The following PPP3CC variants were observed in gnomAD, a reference collection of about 807,000 sequenced individuals.
The protein encoded by PPP3CC is serine/threonine-protein phosphatase 2B catalytic subunit gamma isoform.
PPP3CC carries 35 observed loss-of-function variants against 60.3 expected under a neutral mutation model. The ratio of observed to expected loss-of-function variants is 0.58; its 90% CI spans 0.44 to 0.77. PPP3CC has a LOEUF of 0.77. PPP3CC is among the 30% of genes least tolerant of loss of function. PPP3CC has a pLI of 0.00. For missense variants in PPP3CC, 570 were observed against 628.9 expected, an observed-to-expected ratio of 0.91 and a Z score of 1.00; for synonymous variants, 206 against 224.3, an observed-to-expected ratio of 0.92 and a Z score of 0.73.
chr8:22,462,717 C>T (rs1248137924), intron 1 of PPP3CC, among the ~76,000 whole-genome samples: 1 of 152,038 alleles, frequency 6.6e-6, no homozygotes, highest in Non-Finnish European at 1.5e-5. Context: ...ACTACAGGCA[C>T]CCGCCACCAT....
At chr8:22,447,274 G>A (rs953621299) in intron 1 of PPP3CC, among the ~76,000 whole-genome samples, 1 of 151,018 alleles carries the variant, frequency 6.6e-6, no homozygotes, top group Non-Finnish European at 1.5e-5. Context: ...CTGCCTCCCG[G>A]GTTCATGCCA....
At chr8:22,505,024 ATTTT>A (rs34116717) in intron 4 of PPP3CC, among the ~76,000 whole-genome samples, 1 of 115,974 alleles carries the variant, frequency 8.6e-6, no homozygotes, top group Non-Finnish European at 1.7e-5. Flanking sequence ...CCACGAACCT[ATTTT>A]TTTTTTTTTT....
chr8:22,496,772 C>T (rs1210209282), intron 3 of PPP3CC, among the ~76,000 whole-genome samples: 1 of 151,990 alleles, frequency 6.6e-6, no homozygotes, highest in African/African-American at 2.4e-5. Context: ...GCTAGTATTA[C>T]AGGTGTAAGC....
chr8:22,506,732 G>A (rs1360682173), intron 4 of PPP3CC, among the ~76,000 whole-genome samples: 1 of 150,338 alleles, frequency 6.7e-6, no homozygotes, highest in East Asian at 2.0e-4. Flanking sequence ...ACAAGGCCAG[G>A]AGATTGAGAC....
chr8:22,455,976 C>G (rs1272328346), intron 1 of PPP3CC, among the ~76,000 whole-genome samples: 1 of 152,180 alleles, frequency 6.6e-6, no homozygotes, highest in African/African-American at 2.4e-5. Context: ...GCACATAATA[C>G]TTTTGGTAAT....
At chr8:22,495,001 G>T (rs1162925786) in intron 3 of PPP3CC, among the ~76,000 whole-genome samples, 1 of 152,200 alleles carries the variant, frequency 6.6e-6, no homozygotes, top group Non-Finnish European at 1.5e-5. Flanking sequence ...GAGTGCAGTG[G>T]CACGATCATG....
intron 5 of PPP3CC, 108 bp from the exon 6 acceptor site, chr8:22,513,185 C>G: frequency 8.7e-7 from 1 of 1,154,126 alleles, no homozygotes; most frequent in Non-Finnish European, 1.2e-6. Flanking sequence ...TGGCTTCTCT[C>G]CTAATACATT....
intron 1 of PPP3CC, among the ~76,000 whole-genome samples, chr8:22,450,815 A>G (rs1424056471): frequency 2.9e-5 from 4 of 137,684 alleles, no homozygotes; most frequent in African/African-American, 1.2e-4. Flanking sequence ...TTATTTATTT[A>G]TTTATTTATT....
At chr8:22,526,963 T>C (rs17060896) in intron 8 of PPP3CC, among the ~76,000 whole-genome samples, 1,808 of 152,324 alleles carry the variant, frequency 0.012, 31 homozygotes, top group African/African-American at 0.039. Flanking sequence ...AGAGAGTGTA[T>C]ACAATCTTTG....
chr8:22,450,951 C>T (rs1054704428), intron 1 of PPP3CC, among the ~76,000 whole-genome samples: 2 of 150,972 alleles, frequency 1.3e-5, no homozygotes, highest in African/African-American at 4.9e-5. Flanking sequence ...TCTCCTGCCT[C>T]AGCCTCCTGA....
intron 1 of PPP3CC, among the ~76,000 whole-genome samples, chr8:22,462,290 C>T (rs73546065): frequency 0.011 from 1,750 of 152,220 alleles, 35 homozygotes; most frequent in African/African-American, 0.04. Context: ...CTGTGATGCA[C>T]AGTACATTGC....
chr8:22,458,858 T>C (rs1049013478), intron 1 of PPP3CC, among the ~76,000 whole-genome samples: 1 of 152,106 alleles, frequency 6.6e-6, no homozygotes, highest in African/African-American at 2.4e-5. Context: ...TTATACACAG[T>C]CTTTCCTACC....
intron 1 of PPP3CC, among the ~76,000 whole-genome samples, chr8:22,450,033 A>T (rs1836962492): frequency 6.6e-6 from 1 of 150,404 alleles, no homozygotes; most frequent in African/African-American, 2.4e-5. Context: ...CACCCAGCTA[A>T]TTTTTTTTTG....
Position 22,527,635 on chromosome 8 carries a change from A to ATT in PPP3CC, c.1069+133_1069+134dup, listed in dbSNP as rs373674026. On this transcript the variant is annotated intron_variant, in intron 9 of 13. Coordinates refer to ENST00000240139, the MANE Select transcript of PPP3CC (RefSeq NM_005605.5). ...CTAATTTTGTTTGTTCTCTACATAG[A>ATT]TTTTTTTTTTTTTTTTCTGAGATGG... 3,181 of 921,142 alleles carry ATT rather than the reference A, an allele frequency of 3.5e-3. 2 individuals are homozygous for ATT. The highest frequency in any genetic ancestry group is 6.9e-3 in the African/African-American group (390 of 56,230). The allele number at this position is 921,142 out of a possible 1,614,324, so 57.1% of individuals were successfully genotyped here. A position where few individuals can be genotyped will look rare whatever the true frequency, so the allele number is the denominator to read the frequency against.
chr8:22,474,212 G>A (rs761403134), intron 1 of PPP3CC, among the ~76,000 whole-genome samples: 21 of 152,066 alleles, frequency 1.4e-4, no homozygotes, highest in Non-Finnish European at 2.5e-4. Context: ...CTAAAACATA[G>A]GTGTCATTAG....
rs529736199 is a variant in PPP3CC at position 22,445,158 on chromosome 8, T to C, written c.49+3700T>C. On this transcript the variant is annotated intron_variant, in intron 1 of 13. Coordinates refer to ENST00000240139, the MANE Select transcript of PPP3CC (RefSeq NM_005605.5). The stretch of plus-strand genomic sequence containing the variant: ...AGTACTGTACCATTTTTACCACACA[T>C]GGCAGGCTACTGTTTCTTTAATATC... 3.0e-4 allele frequency among the ~76,000 whole-genome samples: 46 copies of C among 152,348 alleles called. 1 individual carries two copies. The South Asian group carries it at 8.3e-3, about 27-fold the overall frequency.
chr8:22,446,663 A>G (rs1836831766), intron 1 of PPP3CC, among the ~76,000 whole-genome samples: 1 of 152,116 alleles, frequency 6.6e-6, no homozygotes, highest in African/African-American at 2.4e-5. Flanking sequence ...AAAATTAACT[A>G]GGCATGGTGG....
At chr8:22,492,598 C>T in intron 3 of PPP3CC, 1 of 512,802 alleles carries the variant, frequency 2.0e-6, no homozygotes, top group Admixed American at 3.2e-5. Context: ...CACGTTGGCC[C>T]CTTATCTGCT....
At position 22,444,506 on chromosome 8, in the gene PPP3CC, C is replaced by A. The variant is rs117867350; in HGVS notation, c.49+3048C>A. ...AAAACTGTTCCTAGTCAGGTGAATA[C>A]CTATTCTACAGCATAATGGATATGT... On this transcript the variant is annotated intron_variant, in intron 1 of 13. Coordinates refer to ENST00000240139, the MANE Select transcript of PPP3CC (RefSeq NM_005605.5). 8.3e-4 allele frequency among the ~76,000 whole-genome samples: 126 copies of A among 152,250 alleles called. 2 individuals carry two copies. In the East Asian group the frequency reaches 0.019, roughly 23 times the overall value.
Sources: gnomAD v4.1 joint callset for allele counts (sites outside exome capture counted in the v4.1 genomes callset) on GRCh38, gnomAD v4.1.1 for gene constraint, MANE v1.5 for transcripts, NCBI Gene and HGNC (gene_info 2026-07-23, HGNC 2026-07-21) for gene names.